SH3RF3: variants seen among roughly 807,000 people sequenced by gnomAD.
SH3RF3 encodes the protein E3 ubiquitin-protein ligase SH3RF3.
A neutral mutation model predicts 66.3 loss-of-function variants in SH3RF3; 29 were observed. The observed-to-expected ratio is 0.44, with a 90% CI of 0.33 to 0.60. The LOEUF (loss-of-function observed/expected upper bound fraction) is 0.60. Among genes scored for constraint, SH3RF3 ranks in the 20% least tolerant of loss-of-function variants. The probability of loss-of-function intolerance (pLI) is 0.04; values close to 1 mark genes in which losing one functional copy is unlikely to be tolerated. For synonymous variants in SH3RF3, 583 were observed against 532.0 expected (o/e 1.10, Z -1.32); for missense variants, 1,194 against 1,190.9 (o/e 1.00, Z -0.04).
At chr2:109,160,587 A>T (rs1457916960) in intron 1 of SH3RF3, among the ~76,000 whole-genome samples, 1 of 152,168 alleles carries the variant, frequency 6.6e-6, no homozygotes, top group East Asian at 1.9e-4. Flanking sequence ...CCAAGAGGTA[A>T]GCACATTTGT....
chr2:109,261,934 C>A (rs1029269221), intron 1 of SH3RF3, among the ~76,000 whole-genome samples: 2 of 152,062 alleles, frequency 1.3e-5, no homozygotes, highest in African/African-American at 4.8e-5. Context: ...GTATTAAGAT[C>A]TTTACTGGAT....
At chr2:109,136,987 T>TAAA (rs1374996055) in intron 1 of SH3RF3, among the ~76,000 whole-genome samples, 1 of 152,198 alleles carries the variant, frequency 6.6e-6, no homozygotes, top group African/African-American at 2.4e-5. Context: ...ACTGCACAGA[T>TAAA]ATTTAAGTAC....
At chr2:109,469,190 G>A (rs553893029) in intron 8 of SH3RF3, among the ~76,000 whole-genome samples, 4 of 152,308 alleles carry the variant, frequency 2.6e-5, no homozygotes, top group African/African-American at 7.2e-5. Context: ...CTTACACAGC[G>A]TATTTCTTCT....
chr2:109,416,421 C>A (rs946193426), intron 4 of SH3RF3, among the ~76,000 whole-genome samples: 2 of 152,076 alleles, frequency 1.3e-5, no homozygotes, highest in African/African-American at 4.8e-5. Context: ...ATGGCGAAAC[C>A]CCCCCGTTTC....
chr2:109,501,785 C>T lies in SH3RF3; in HGVS notation c.*114C>T. Reference sequence around the variant, plus strand: ...GGGTTCCAGGTCATCTCCAAGGCACCTGGCGGGGGATACCCTGGCCCAGGG... The same window carrying T: ...GGGTTCCAGGTCATCTCCAAGGCACTTGGCGGGGGATACCCTGGCCCAGGG... On this transcript the variant is annotated 3_prime_UTR_variant, in exon 10 of 10. Transcript: ENST00000309415. The T allele has an allele frequency of 1.6e-6, 1 of 628,470 alleles. No individual in the cohort carries two copies. Among genetic ancestry groups the T allele is most frequent in the South Asian group, 1.8e-5 (1 of 55,088 alleles). 38.9% of individuals were successfully genotyped at this position (628,470 alleles called of 1,614,324 possible). A position where few individuals can be genotyped will look rare whatever the true frequency, so the allele number is the denominator to read the frequency against.
chr2:109,225,912 C>T (rs188988193), intron 1 of SH3RF3, among the ~76,000 whole-genome samples: 6 of 152,324 alleles, frequency 3.9e-5, no homozygotes, highest in African/African-American at 1.4e-4. Flanking sequence ...ACTATAGTCG[C>T]TTTCCACCAT....
chr2:109,251,419 A>C, intron 1 of SH3RF3: 2 of 704,856 alleles, frequency 2.8e-6, no homozygotes, highest in South Asian at 1.4e-5. Context: ...TGGAGTAGAC[A>C]CCATGAGCAA....
At chr2:109,277,836 G>T (rs1037118558) in intron 1 of SH3RF3, among the ~76,000 whole-genome samples, 2 of 152,148 alleles carry the variant, frequency 1.3e-5, no homozygotes, top group African/African-American at 4.8e-5. Flanking sequence ...AGAAACAGTG[G>T]CCAGGTAGAC....
At chr2:109,447,044 G>A (rs781611768) in intron 7 of SH3RF3, among the ~76,000 whole-genome samples, 10 of 151,572 alleles carry the variant, frequency 6.6e-5, no homozygotes, top group Non-Finnish European at 1.2e-4. Context: ...CGAGGCCCCT[G>A]GATCTGCGTG....
intron 8 of SH3RF3, among the ~76,000 whole-genome samples, chr2:109,459,865 T>C (rs1440881929): frequency 6.6e-6 from 1 of 152,292 alleles, no homozygotes; most frequent in Middle Eastern, 3.4e-3. Context: ...GTGGTGCTTC[T>C]CCCATTTCTG....
chr2:109,204,494 T>G (rs1399042065), intron 1 of SH3RF3, among the ~76,000 whole-genome samples: 1 of 152,228 alleles, frequency 6.6e-6, no homozygotes, highest in Non-Finnish European at 1.5e-5. Context: ...CCAATCTCCC[T>G]TATTCTAGAC....
chr2:109,440,800 C>T (rs1677539277), intron 7 of SH3RF3, among the ~76,000 whole-genome samples: 2 of 152,026 alleles, frequency 1.3e-5, no homozygotes, highest in Admixed American at 6.6e-5. Flanking sequence ...CAGAGCACGC[C>T]CTGAGATCTT....
intron 4 of SH3RF3, 75 bp downstream of exon 4, chr2:109,399,018 C>A: frequency 7.0e-7 from 1 of 1,438,600 alleles, no homozygotes; most frequent in East Asian, 2.4e-5. Flanking sequence ...TTCAGTGTCC[C>A]CCGTTCCTCA....
At chr2:109,242,477 C>T (rs1038050737) in intron 1 of SH3RF3, among the ~76,000 whole-genome samples, 13 of 152,162 alleles carry the variant, frequency 8.5e-5, no homozygotes, top group African/African-American at 2.9e-4. Context: ...CCTGCTGAGC[C>T]GCCCCAGTGA....
intron 8 of SH3RF3, among the ~76,000 whole-genome samples, chr2:109,466,728 A>G (rs926908331): frequency 6.6e-6 from 1 of 152,052 alleles, no homozygotes; most frequent in South Asian, 2.1e-4. Context: ...TGGGTCCACA[A>G]TTCATTCTGA....
chr2:109,157,218 A>G (rs777656565), intron 1 of SH3RF3, among the ~76,000 whole-genome samples: 1 of 151,900 alleles, frequency 6.6e-6, no homozygotes, highest in Non-Finnish European at 1.5e-5. Context: ...CGTCTCTTCT[A>G]CTCCTCAGCT....
At chr2:109,154,872 C>T (rs1236149891) in intron 1 of SH3RF3, among the ~76,000 whole-genome samples, 8 of 152,320 alleles carry the variant, frequency 5.3e-5, no homozygotes, top group East Asian at 1.9e-4. Flanking sequence ...GGAAATTCTT[C>T]GGGAGCAGAG....
Position 109,371,695 on chromosome 2 carries a change from G to T in SH3RF3, c.945+14G>T. 2 of 1,609,838 alleles carry T rather than the reference G, an allele frequency of 1.2e-6. No homozygotes were observed. The highest frequency in any genetic ancestry group is 1.7e-6 in the Non-Finnish European group (2 of 1,177,572). Reference sequence around the variant, plus strand: ...CTGTACGTGGAGGTAAGACCGTGCCGCCCTCCCACACTTGGCTCCTTCTTG... The same window carrying T: ...CTGTACGTGGAGGTAAGACCGTGCCTCCCTCCCACACTTGGCTCCTTCTTG... On this transcript the variant is annotated intron_variant, in intron 3 of 9. Coordinates refer to ENST00000309415, the MANE Select transcript of SH3RF3 (RefSeq NM_001099289.3).
intron 1 of SH3RF3, among the ~76,000 whole-genome samples, chr2:109,256,584 T>G (rs1442315897): frequency 6.6e-6 from 1 of 152,180 alleles, no homozygotes; most frequent in Non-Finnish European, 1.5e-5. Context: ...TTTTGCTAGG[T>G]GCACTGGCCT....
Sources: allele counts gnomAD v4.1 joint callset (sites outside exome capture counted in the v4.1 genomes callset), GRCh38; gene constraint gnomAD v4.1.1; transcripts MANE v1.5; gene names NCBI Gene and HGNC (gene_info 2026-07-23, HGNC 2026-07-21).